ASCC1: variants seen among roughly 807,000 people sequenced by gnomAD.
ASCC1 encodes ASC-1 complex subunit P50.
A neutral mutation model predicts 46.6 loss-of-function variants in ASCC1; 35 were observed. The observed-to-expected ratio is 0.75, with a 90% CI of 0.57 to 0.99. The LOEUF (loss-of-function observed/expected upper bound fraction) is 0.99. ASCC1 is among the 50% of genes least tolerant of loss of function. ASCC1 has a pLI of 0.00. For synonymous variants in ASCC1, 143 were observed against 146.6 expected (o/e 0.98, Z 0.18); for missense variants, 376 against 428.7 (o/e 0.88, Z 1.09).
intron 7 of ASCC1, chr10:72,133,393 A>G: frequency 3.6e-6 from 2 of 559,194 alleles, no homozygotes; most frequent in South Asian, 3.9e-5. Flanking sequence ...GAAATAAATG[A>G]TGGCAATATA....
intron 5 of ASCC1, among the ~76,000 whole-genome samples, chr10:72,195,096 G>GTAGGTTTTGTGGGTTTTT (rs1376376993): frequency 1.2e-4 from 17 of 145,256 alleles, no homozygotes; most frequent in African/African-American, 3.8e-4. Context: ...TTCTCACGAA[G>GTAGGTTTTGTGGGTTTTT]TAGGTTTTGT....
At chr10:72,118,386 G>C (rs1236558725) in intron 9 of ASCC1, among the ~76,000 whole-genome samples, 1 of 150,076 alleles carries the variant, frequency 6.7e-6, no homozygotes, top group African/African-American at 2.4e-5. Context: ...AAAAAGAAAA[G>C]AAATAATTTT....
At chr10:72,159,907 T>TC (rs1564668541) in intron 6 of ASCC1, among the ~76,000 whole-genome samples, 1 of 149,048 alleles carries the variant, frequency 6.7e-6, no homozygotes, top group African/African-American at 2.5e-5. Flanking sequence ...CAGTTTCTTT[T>TC]TTTTTTTTTT....
chr10:72,149,232 A>T (rs1847997220), intron 7 of ASCC1, among the ~76,000 whole-genome samples: 1 of 151,948 alleles, frequency 6.6e-6, no homozygotes, highest in African/African-American at 2.4e-5. Context: ...AGGTCAGGAG[A>T]TCAAGACCAT....
intron 5 of ASCC1, among the ~76,000 whole-genome samples, chr10:72,172,768 AT>A (rs1851302713): frequency 9.6e-6 from 1 of 103,850 alleles, no homozygotes; most frequent in Non-Finnish European, 2.2e-5. Context: ...TATATTATAT[AT>A]TATATTTTTT....
chr10:72,113,861 G>A (rs564712601), intron 9 of ASCC1, among the ~76,000 whole-genome samples: 9 of 152,274 alleles, frequency 5.9e-5, no homozygotes, highest in African/African-American at 1.7e-4. Flanking sequence ...AAAGAAGGGA[G>A]GCAGAGCCAT....
At chr10:72,151,388 T>C (rs181836025) in intron 7 of ASCC1, among the ~76,000 whole-genome samples, 38 of 148,324 alleles carry the variant, frequency 2.6e-4, no homozygotes, top group Admixed American at 4.1e-4. Context: ...AGGTGGGAAT[T>C]GAACAATGAG....
rs567940293 is a variant in ASCC1, at chr10:72,096,477, T to A, written c.*857A>T. Reference sequence around the variant, plus strand: ...TGAAGGAACAGGAATCCAACAAATATTAAGAGGACAAACTTTGGTAGGAAA... The same window carrying A: ...TGAAGGAACAGGAATCCAACAAATAATAAGAGGACAAACTTTGGTAGGAAA... On this transcript the variant is annotated 3_prime_UTR_variant, in exon 10 of 10. Coordinates refer to ENST00000672957, the MANE Select transcript of ASCC1 (RefSeq NM_001198800.3). 2.2e-6 allele frequency: 1 copy of A among 453,886 alleles called. No individual in the cohort carries two copies. The highest frequency in any genetic ancestry group is 4.4e-6 in the Non-Finnish European group (1 of 226,774). The allele number at this position is 453,886 out of a possible 1,614,324, so 28.1% of individuals were successfully genotyped here.
At chr10:72,205,665 C>T (rs967728920) in intron 3 of ASCC1, among the ~76,000 whole-genome samples, 6 of 149,706 alleles carry the variant, frequency 4.0e-5, no homozygotes, top group Admixed American at 4.0e-4. Context: ...GGTGTGGTGG[C>T]GGGCGCCTGT....
At chr10:72,188,607 T>C (rs929361479) in intron 5 of ASCC1, among the ~76,000 whole-genome samples, 4 of 152,204 alleles carry the variant, frequency 2.6e-5, no homozygotes, top group African/African-American at 9.7e-5. Context: ...CAAAACATTT[T>C]CACTTTGCCA....
chr10:72,209,735 G>A (rs1857773769), intron 3 of ASCC1, among the ~76,000 whole-genome samples: 1 of 152,174 alleles, frequency 6.6e-6, no homozygotes, highest in African/African-American at 2.4e-5. Flanking sequence ...AGTGAGCCAA[G>A]ATCGTCCCAT....
At chr10:72,146,901 C>T (rs1847698271) in intron 7 of ASCC1, among the ~76,000 whole-genome samples, 2 of 151,892 alleles carry the variant, frequency 1.3e-5, no homozygotes, top group African/African-American at 4.8e-5. Flanking sequence ...TTTTACTACA[C>T]ACAGTTCTTG....
intron 5 of ASCC1, among the ~76,000 whole-genome samples, chr10:72,191,011 A>G (rs1472342891): frequency 6.8e-6 from 1 of 147,928 alleles, no homozygotes; most frequent in Non-Finnish European, 1.5e-5. Flanking sequence ...AAAAAAAAAA[A>G]GGAAGTTAAA....
chr10:72,178,017 A>G (rs1229045299), intron 5 of ASCC1, among the ~76,000 whole-genome samples: 1 of 152,200 alleles, frequency 6.6e-6, no homozygotes, highest in Non-Finnish European at 1.5e-5. Flanking sequence ...ATGCTATCCT[A>G]AAAGGTAAAT....
intron 4 of ASCC1, among the ~76,000 whole-genome samples, chr10:72,202,566 T>C (rs978781890): frequency 8.5e-5 from 13 of 152,302 alleles, no homozygotes; most frequent in African/African-American, 2.6e-4. Context: ...CAAAAGCCTA[T>C]GCCCTTGGTT....
intron 8 of ASCC1, 121 bp downstream of exon 8, chr10:72,132,936 G>A: frequency 8.0e-7 from 1 of 1,254,092 alleles, no homozygotes; most frequent in South Asian, 1.2e-5. Flanking sequence ...ATCAGAATAA[G>A]CTAAGAGGTC....
At chr10:72,197,497 A>T (rs1855635574) in intron 4 of ASCC1, among the ~76,000 whole-genome samples, 1 of 148,416 alleles carries the variant, frequency 6.7e-6, no homozygotes, top group African/African-American at 2.5e-5. Context: ...AAAAAAGAAT[A>T]TCCTTAAGAC....
At position 72,184,690 on chromosome 10, in the gene ASCC1, C is replaced by G. The variant is rs77423154; in HGVS notation, c.489+12121G>C. On this transcript the variant is annotated intron_variant, in intron 5 of 9. Coordinates refer to ENST00000672957, the MANE Select transcript of ASCC1 (RefSeq NM_001198800.3). ...GATTTCAACACTCCTCTCTCCGCAACTAAAAGAACAAGTAGATACAAAATC... is the reference window on the plus strand; with the variant it reads ...GATTTCAACACTCCTCTCTCCGCAAGTAAAAGAACAAGTAGATACAAAATC... 9.5e-3 allele frequency among the ~76,000 whole-genome samples: 1,436 copies of G among 151,238 alleles called. 22 individuals carry two copies. The highest frequency in any genetic ancestry group is 0.033 in the African/African-American group (1,348 of 41,174).
chr10:72,130,687 C>T (rs556344882), intron 8 of ASCC1, among the ~76,000 whole-genome samples: 7 of 152,282 alleles, frequency 4.6e-5, no homozygotes, highest in Admixed American at 2.6e-4. Flanking sequence ...ATACCTGCAA[C>T]GCCCAAAACA....
Sources: gnomAD v4.1 joint callset for allele counts (sites outside exome capture counted in the v4.1 genomes callset) on GRCh38, gnomAD v4.1.1 for gene constraint, MANE v1.5 for transcripts, NCBI Gene and HGNC (gene_info 2026-07-23, HGNC 2026-07-21) for gene names.